Variants in PIP4K2A observed in about 807,000 individuals in gnomAD.
PIP4K2A encodes phosphatidylinositol 5-phosphate 4-kinase type-2 alpha.
Under a neutral mutation model 42.9 loss-of-function variants are expected in PIP4K2A, and 14 were observed. The observed-to-expected ratio is 0.33, with a 90% CI of 0.22 to 0.51. The LOEUF is 0.51. PIP4K2A is among the 20% of genes least tolerant of loss of function. The pLI is 0.97. For synonymous variants in PIP4K2A, 192 were observed against 192.2 expected (o/e 1.00, Z 0.01); for missense variants, 434 against 519.8 (o/e 0.83, Z 1.61).
At chr10:22,605,000 C>T (rs1228857652) in intron 3 of PIP4K2A, among the ~76,000 whole-genome samples, 12 of 152,144 alleles carry the variant, frequency 7.9e-5, no homozygotes, top group Admixed American at 7.9e-4. Flanking sequence ...CTCCTTTCTT[C>T]CAAACCAAGT....
intron 1 of PIP4K2A, among the ~76,000 whole-genome samples, chr10:22,711,417 T>C (rs999435032): frequency 1.3e-5 from 2 of 152,254 alleles, no homozygotes; most frequent in Non-Finnish European, 2.9e-5. Context: ...TCCCTGAATG[T>C]TGCTGCATTT....
intron 3 of PIP4K2A, among the ~76,000 whole-genome samples, chr10:22,594,937 G>A (rs1019634592): frequency 4.0e-4 from 61 of 152,300 alleles, no homozygotes; most frequent in African/African-American, 1.4e-3. Flanking sequence ...ATCCACGTGA[G>A]TAGCCCCAAC....
At chr10:22,665,869 C>T (rs778317799) in intron 1 of PIP4K2A, among the ~76,000 whole-genome samples, 4 of 151,450 alleles carry the variant, frequency 2.6e-5, no homozygotes, top group Admixed American at 6.6e-5. Flanking sequence ...CATATATATA[C>T]ACACACACAG....
chr10:22,618,796 T>A (rs1270281149), intron 1 of PIP4K2A, among the ~76,000 whole-genome samples: 4 of 152,212 alleles, frequency 2.6e-5, no homozygotes, highest in African/African-American at 9.6e-5. Context: ...ATTACCCACA[T>A]TAGGTGCAAT....
At chr10:22,626,787 T>G (rs189909821) in intron 1 of PIP4K2A, among the ~76,000 whole-genome samples, 3 of 152,240 alleles carry the variant, frequency 2.0e-5, no homozygotes, top group Non-Finnish European at 4.4e-5. Context: ...TTTAGACGCA[T>G]GTATACTCAC....
intron 4 of PIP4K2A, among the ~76,000 whole-genome samples, chr10:22,579,536 G>A (rs927587181): frequency 3.3e-5 from 5 of 152,156 alleles, no homozygotes; most frequent in Non-Finnish European, 5.9e-5. Context: ...CCTTGGAGGG[G>A]AGGGGATCTT....
chr10:22,685,796 A>G (rs374713661), intron 1 of PIP4K2A, among the ~76,000 whole-genome samples: 2 of 152,144 alleles, frequency 1.3e-5, no homozygotes, highest in African/African-American at 4.8e-5. Flanking sequence ...ACCTAGTCCT[A>G]TCACTCGTCT....
intron 1 of PIP4K2A, among the ~76,000 whole-genome samples, chr10:22,655,302 C>T (rs1017450187): frequency 6.6e-6 from 1 of 152,192 alleles, no homozygotes; most frequent in Non-Finnish European, 1.5e-5. Flanking sequence ...GTAACAGGCA[C>T]CGATCCCTGT....
intron 3 of PIP4K2A, among the ~76,000 whole-genome samples, chr10:22,597,719 G>GA (rs10711192): frequency 1.4e-4 from 21 of 146,454 alleles, no homozygotes; most frequent in South Asian, 8.7e-4. Context: ...GCTCTGCATG[G>GA]AAAAAAAAAA....
intron 4 of PIP4K2A, among the ~76,000 whole-genome samples, chr10:22,573,895 A>G (rs908330237): frequency 6.6e-6 from 1 of 152,256 alleles, no homozygotes; most frequent in African/African-American, 2.4e-5. Context: ...TCGAGATGAA[A>G]GAGGAAATTG....
At chr10:22,702,256 A>G (rs937615908) in intron 1 of PIP4K2A, among the ~76,000 whole-genome samples, 6 of 152,354 alleles carry the variant, frequency 3.9e-5, no homozygotes, top group African/African-American at 1.4e-4. Context: ...CACAATAGAA[A>G]AAGACCCACA....
At position 22,680,796 on chromosome 10, in the gene PIP4K2A, T is replaced by C. The variant is rs375928030; in HGVS notation, c.144+33387A>G. ...GATGTTGTTCAAAGAGTGAAGGACA[T>C]GCCATCCCAAAATATGCCGGATTTT... On this transcript the variant is annotated intron_variant, in intron 1 of 9. Coordinates refer to ENST00000376573, the MANE Select transcript of PIP4K2A (RefSeq NM_005028.5). Among the ~76,000 whole-genome samples the C allele has an allele frequency of 1.1e-4, 16 of 152,292 alleles. No homozygotes were observed. In the East Asian group the frequency reaches 1.9e-3, roughly 18 times the overall value.
intron 9 of PIP4K2A, 84 bp from the exon 10 acceptor site, chr10:22,537,365 A>T: frequency 9.6e-7 from 1 of 1,043,658 alleles, no homozygotes; most frequent in South Asian, 1.4e-5. Context: ...GCTATTTCCA[A>T]TGGCAACTGA....
At chr10:22,646,089 A>G (rs1206346946) in intron 1 of PIP4K2A, 1 of 152,220 alleles carries the variant, frequency 6.6e-6, no homozygotes, top group Non-Finnish European at 1.5e-5. Context: ...AAAAGGGGTC[A>G]GCCTGGCAGT....
intron 1 of PIP4K2A, among the ~76,000 whole-genome samples, chr10:22,622,340 C>T (rs1387470820): frequency 2.0e-5 from 3 of 152,170 alleles, no homozygotes; most frequent in Admixed American, 6.5e-5. Flanking sequence ...GCCATCCCAT[C>T]GCATGAGAGG....
At chr10:22,683,101 C>T (rs924880611) in intron 1 of PIP4K2A, among the ~76,000 whole-genome samples, 4 of 151,820 alleles carry the variant, frequency 2.6e-5, no homozygotes, top group Admixed American at 6.6e-5. Flanking sequence ...ACAGCTGACA[C>T]GACAGTACAG....
intron 1 of PIP4K2A, among the ~76,000 whole-genome samples, chr10:22,664,204 CAT>C (rs142690116): frequency 0.16 from 7,518 of 47,554 alleles, 576 homozygotes; most frequent in African/African-American, 0.17. Context: ...TATATATATA[CAT>C]ATATATATAT....
chr10:22,650,600 C>T (rs1202747786), intron 1 of PIP4K2A, among the ~76,000 whole-genome samples: 1 of 152,200 alleles, frequency 6.6e-6, no homozygotes, highest in Non-Finnish European at 1.5e-5. Context: ...CTGGACTTCT[C>T]GCTTCAATAT....
chr10:22,572,175 GCAAA>G, intron 5 of PIP4K2A, among the ~76,000 whole-genome samples: 1 of 152,294 alleles, frequency 6.6e-6, no homozygotes, highest in South Asian at 2.1e-4. Flanking sequence ...AAACTTTTCT[GCAAA>G]CAGTCAGTGG....
Sources: gnomAD v4.1 joint callset for allele counts (sites outside exome capture counted in the v4.1 genomes callset) on GRCh38, gnomAD v4.1.1 for gene constraint, MANE v1.5 for transcripts, NCBI Gene and HGNC (gene_info 2026-07-23, HGNC 2026-07-21) for gene names.